BBOX1: variants seen among roughly 807,000 people sequenced by gnomAD.
BBOX1 encodes gamma-butyrobetaine dioxygenase.
In BBOX1, 35 loss-of-function variants were observed where a neutral mutation model predicts 41.6. The ratio of observed to expected loss-of-function variants is 0.84; its 90% CI spans 0.64 to 1.11. The LOEUF is 1.11. Among genes scored for constraint, BBOX1 ranks in the 50% most tolerant of loss-of-function variants. The pLI, the probability that BBOX1 is intolerant of heterozygous loss-of-function variation, is 0.00. For synonymous variants in BBOX1, 163 were observed against 154.7 expected (o/e 1.05, Z -0.40); for missense variants, 458 against 460.6 (o/e 0.99, Z 0.05).
intron 2 of BBOX1, chr11:27,047,412 C>T (rs1851519413): frequency 1.3e-5 from 2 of 152,116 alleles, no homozygotes; most frequent in African/African-American, 4.8e-5. Context: ...TAGGAGTGAT[C>T]ACTTCAATAG....
At position 27,087,752 on chromosome 11, in the gene BBOX1, C is replaced by T. The variant is rs550387439; in HGVS notation, c.335-5416C>T. ...TTAGCATAATCAAATTTAGGAGAGG[C>T]TCATATTGGTACACAGGTTCTAATG... On this transcript the variant is annotated intron_variant, in intron 4 of 8. Transcript: ENST00000263182. 7.2e-5 allele frequency among the ~76,000 whole-genome samples: 11 copies of T among 152,160 alleles called. No homozygotes were observed. The South Asian group carries it at 2.1e-3, about 29-fold the overall frequency.
intron 4 of BBOX1, among the ~76,000 whole-genome samples, chr11:27,080,407 T>C (rs1014760905): frequency 1.3e-5 from 2 of 152,086 alleles, no homozygotes; most frequent in South Asian, 2.1e-4. Context: ...GAGAAAGAAC[T>C]AATATTAGTA....
chr11:27,115,734 C>A (rs539086587), intron 6 of BBOX1, among the ~76,000 whole-genome samples, 177 bp downstream of exon 6: 1 of 151,938 alleles, frequency 6.6e-6, no homozygotes, highest in Non-Finnish European at 1.5e-5. Context: ...CTTCACATTC[C>A]TAAAGGAGAG....
chr11:27,075,197 T>C (rs1247015155), intron 4 of BBOX1, among the ~76,000 whole-genome samples: 1 of 152,204 alleles, frequency 6.6e-6, no homozygotes, highest in Non-Finnish European at 1.5e-5. Flanking sequence ...TGCAGCCTTA[T>C]TCAGCTCTTG....
At chr11:27,086,101 G>A (rs1363177898) in intron 4 of BBOX1, among the ~76,000 whole-genome samples, 1 of 152,136 alleles carries the variant, frequency 6.6e-6, no homozygotes, top group Non-Finnish European at 1.5e-5. Flanking sequence ...TAACATGAAA[G>A]TGCAAGGTGA....
chr11:27,109,584 C>G (rs1858983995), intron 5 of BBOX1, among the ~76,000 whole-genome samples: 1 of 151,910 alleles, frequency 6.6e-6, no homozygotes. Context: ...GAAAAAAAGG[C>G]AGGAAAGTGT....
In BBOX1 at chr11:27,062,482, G is replaced by A. The variant is rs138065250; in HGVS notation, c.334+5167G>A. ...TTTTCATCTGTATTTTACATTTTCC[G>A]AGTTGTGTCTTTCTGATTTTAATCA... On this transcript the variant is annotated intron_variant, in intron 4 of 8. Transcript: ENST00000263182. 1.9e-3 allele frequency among the ~76,000 whole-genome samples: 289 copies of A among 152,102 alleles called. 1 individual carries two copies. Among genetic ancestry groups the A allele is most frequent in the African/African-American group, 6.4e-3 (265 of 41,500 alleles).
intron 4 of BBOX1, among the ~76,000 whole-genome samples, chr11:27,086,945 T>C (rs931788154): frequency 6.6e-6 from 1 of 152,080 alleles, no homozygotes; most frequent in South Asian, 2.1e-4. Flanking sequence ...GTGGTGGAAA[T>C]AGCAAGAGAA....
At chr11:27,091,631 G>T (rs185553349) in intron 4 of BBOX1, among the ~76,000 whole-genome samples, 1 of 151,936 alleles carries the variant, frequency 6.6e-6, no homozygotes, top group East Asian at 1.9e-4. Context: ...AGAAGCACTT[G>T]AAAAGCAATG....
At chr11:27,074,250 T>C (rs1274725184) in intron 4 of BBOX1, among the ~76,000 whole-genome samples, 1 of 152,012 alleles carries the variant, frequency 6.6e-6, no homozygotes, top group Non-Finnish European at 1.5e-5. Flanking sequence ...TCACCCTGTC[T>C]GAGGTAGTTC....
At chr11:27,079,976 A>T (rs1485830935) in intron 4 of BBOX1, among the ~76,000 whole-genome samples, 1 of 152,062 alleles carries the variant, frequency 6.6e-6, no homozygotes, top group Non-Finnish European at 1.5e-5. Flanking sequence ...CCGCACTACC[A>T]ACATCATATG....
At chr11:27,075,812 C>T (rs1857613378) in intron 4 of BBOX1, among the ~76,000 whole-genome samples, 2 of 152,314 alleles carry the variant, frequency 1.3e-5, no homozygotes, top group South Asian at 4.1e-4. Flanking sequence ...CCTATAGGTG[C>T]ACTCATGCTG....
chr11:27,051,430 G>A (rs1027825641), intron 2 of BBOX1, among the ~76,000 whole-genome samples: 7 of 151,948 alleles, frequency 4.6e-5, no homozygotes, highest in African/African-American at 1.4e-4. Context: ...TTAATGTTTG[G>A]TGGAATTCAC....
At chr11:27,043,501 G>C (rs923632918) in intron 2 of BBOX1, among the ~76,000 whole-genome samples, 3 of 145,326 alleles carry the variant, frequency 2.1e-5, no homozygotes, top group African/African-American at 5.0e-5. Context: ...GTGGTTTGCT[G>C]CACCTATCAA....
chr11:27,107,842 T>C (rs1858923605), intron 5 of BBOX1, among the ~76,000 whole-genome samples: 2 of 152,086 alleles, frequency 1.3e-5, no homozygotes, highest in South Asian at 2.1e-4. Context: ...TGTGTTTTCT[T>C]GGAGAGTTGG....
chr11:27,110,052 A>G (rs1370996669), intron 5 of BBOX1, among the ~76,000 whole-genome samples: 1 of 152,054 alleles, frequency 6.6e-6, no homozygotes, highest in Non-Finnish European at 1.5e-5. Flanking sequence ...TCTGAACCTG[A>G]AAACCTTGGC....
In BBOX1 at chr11:27,091,872, G is replaced by A. The variant is rs529915277; in HGVS notation, c.335-1296G>A. On this transcript the variant is annotated intron_variant, in intron 4 of 8. Transcript: ENST00000263182. ...GCCTAATTTACACTTAGCAATTTTCGTCCTGGAAATTCTGGCTCATTATGC... is the reference window on the plus strand; with the variant it reads ...GCCTAATTTACACTTAGCAATTTTCATCCTGGAAATTCTGGCTCATTATGC... Among the ~76,000 whole-genome samples the A allele has an allele frequency of 7.2e-5, 11 of 152,008 alleles. No homozygotes were observed. In the East Asian group the frequency reaches 9.7e-4, roughly 13 times the overall value.
intron 2 of BBOX1, among the ~76,000 whole-genome samples, chr11:27,053,522 T>G (rs1035663647): frequency 6.6e-6 from 1 of 152,224 alleles, no homozygotes; most frequent in South Asian, 2.1e-4. Flanking sequence ...ACAGAACATA[T>G]TTGCCATCCC....
intron 4 of BBOX1, among the ~76,000 whole-genome samples, chr11:27,075,945 T>C (rs984322419): frequency 2.0e-5 from 3 of 152,242 alleles, no homozygotes; most frequent in African/African-American, 7.2e-5. Flanking sequence ...AGCTGCAGAC[T>C]TTCCCCACTG....
Sources: gnomAD v4.1 joint callset for allele counts (sites outside exome capture counted in the v4.1 genomes callset) on GRCh38, gnomAD v4.1.1 for gene constraint, MANE v1.5 for transcripts, NCBI Gene and HGNC (gene_info 2026-07-23, HGNC 2026-07-21) for gene names.